Variants in ADGRL2 observed in about 807,000 individuals in gnomAD.
ADGRL2 encodes calcium-independent alpha-latrotoxin receptor 2.
In ADGRL2, 44 loss-of-function variants were observed where a neutral mutation model predicts 157.4. The ratio of observed to expected loss-of-function variants is 0.28; its 90% confidence interval spans 0.22 to 0.36. The LOEUF (loss-of-function observed/expected upper bound fraction) is 0.36. Ranked by LOEUF, ADGRL2 falls within the 10% of genes least tolerant of loss-of-function variation. The pLI is 1.00. For synonymous variants in ADGRL2, 585 were observed against 624.7 expected (o/e 0.94, Z 0.95); for missense variants, 1,510 against 1,768.9 (o/e 0.85, Z 2.63).
intron 2 of ADGRL2, among the ~76,000 whole-genome samples, chr1:81,779,835 A>G (rs1293553448): frequency 6.6e-6 from 1 of 152,228 alleles, no homozygotes; most frequent in Non-Finnish European, 1.5e-5. Context: ...GGTCCTGAGC[A>G]GGAGTTCCCC....
intron 2 of ADGRL2, among the ~76,000 whole-genome samples, chr1:81,548,692 G>A (rs951214307): frequency 4.6e-5 from 7 of 151,908 alleles, no homozygotes; most frequent in African/African-American, 1.7e-4. Flanking sequence ...TTTTCCCCAA[G>A]GATTCAGGTT....
At chr1:81,565,701 T>C (rs1233909563) in intron 2 of ADGRL2, among the ~76,000 whole-genome samples, 1 of 152,186 alleles carries the variant, frequency 6.6e-6, no homozygotes, top group Non-Finnish European at 1.5e-5. Flanking sequence ...TCTCATATCA[T>C]GTAAGAACTA....
intron 2 of ADGRL2, among the ~76,000 whole-genome samples, chr1:81,524,716 C>T (rs2079411240): frequency 2.0e-5 from 3 of 152,116 alleles, no homozygotes; most frequent in Admixed American, 6.5e-5. Context: ...GTATGTATAG[C>T]ATGCTACATT....
chr1:81,356,738 G>A (rs1000636203), intron 1 of ADGRL2, among the ~76,000 whole-genome samples: 1 of 151,534 alleles, frequency 6.6e-6, no homozygotes, highest in Non-Finnish European at 1.5e-5. Flanking sequence ...TGGATCCCGA[G>A]GTCAGGAGAT....
chr1:81,655,176 A>G (rs2082504469), intron 3 of ADGRL2, among the ~76,000 whole-genome samples: 1 of 152,060 alleles, frequency 6.6e-6, no homozygotes. Flanking sequence ...TTGTTTTTCT[A>G]TTTTTAGTAG....
At chr1:81,326,303 T>A (rs1290333203) in intron 1 of ADGRL2, among the ~76,000 whole-genome samples, 1 of 152,240 alleles carries the variant, frequency 6.6e-6, no homozygotes, top group Non-Finnish European at 1.5e-5. Context: ...GAATAGTACC[T>A]ATCACATTAG....
chr1:81,581,184 T>G (rs2080899194), intron 3 of ADGRL2, among the ~76,000 whole-genome samples: 1 of 152,192 alleles, frequency 6.6e-6, no homozygotes, highest in South Asian at 2.1e-4. Context: ...TAAAACAGTA[T>G]TTTACAAATA....
chr1:81,358,800 G>A (rs901248758), intron 1 of ADGRL2, among the ~76,000 whole-genome samples: 1 of 152,136 alleles, frequency 6.6e-6, no homozygotes, highest in Non-Finnish European at 1.5e-5. Context: ...AAGCAAGATA[G>A]TAATTAATCA....
intron 1 of ADGRL2, among the ~76,000 whole-genome samples, chr1:81,411,507 C>G (rs2076944273): frequency 6.6e-6 from 1 of 152,060 alleles, no homozygotes; most frequent in African/African-American, 2.4e-5. Flanking sequence ...TGCTAATGAC[C>G]TCAAAGTTAG....
chr1:81,324,442 G>A (rs992213254), intron 1 of ADGRL2, among the ~76,000 whole-genome samples: 4 of 151,194 alleles, frequency 2.6e-5, no homozygotes, highest in African/African-American at 4.8e-5. Flanking sequence ...CCGAGAAGTC[G>A]AGGCTGAAGT....
chr1:81,721,010 A>G (rs2084293900), intron 1 of ADGRL2, among the ~76,000 whole-genome samples: 1 of 150,980 alleles, frequency 6.6e-6, no homozygotes. Context: ...CAGAAAATAA[A>G]CTATATAAAA....
At chr1:81,951,149 A>G in intron 8 of ADGRL2, 28 bp downstream of exon 8, 1 of 1,444,366 alleles carries the variant, frequency 6.9e-7, no homozygotes, top group Non-Finnish European at 9.7e-7. Flanking sequence ...AATATGACAC[A>G]TTGGTGATTT....
chr1:81,871,576 C>G (rs2093695453), intron 2 of ADGRL2, among the ~76,000 whole-genome samples: 1 of 152,150 alleles, frequency 6.6e-6, no homozygotes, highest in South Asian at 2.1e-4. Flanking sequence ...TCCTATTTCT[C>G]CACATCCTCT....
At chr1:81,903,518 T>G (rs964211229) in intron 2 of ADGRL2, among the ~76,000 whole-genome samples, 8 of 151,868 alleles carry the variant, frequency 5.3e-5, no homozygotes, top group African/African-American at 1.9e-4. Flanking sequence ...TACTACTATT[T>G]GATGCCTTAG....
At chr1:81,469,977 G>A (rs923968538) in intron 2 of ADGRL2, among the ~76,000 whole-genome samples, 2 of 152,176 alleles carry the variant, frequency 1.3e-5, no homozygotes, top group Non-Finnish European at 2.9e-5. Flanking sequence ...CTTAATAAAT[G>A]TTTCTGCACC....
At chr1:81,711,479 T>C (rs1425874564) in intron 1 of ADGRL2, among the ~76,000 whole-genome samples, 1 of 152,228 alleles carries the variant, frequency 6.6e-6, no homozygotes. Flanking sequence ...TTTTGTCATA[T>C]AGAATATTAA....
chr1:81,412,847 TAGAC>T (rs1272017926), intron 1 of ADGRL2, among the ~76,000 whole-genome samples: 1 of 152,118 alleles, frequency 6.6e-6, no homozygotes, highest in African/African-American at 2.4e-5. Flanking sequence ...CAGTTTTAAA[TAGAC>T]AGAGCTTCCT....
chr1:81,764,918 G>A (rs1450968195), intron 2 of ADGRL2, among the ~76,000 whole-genome samples: 2 of 151,980 alleles, frequency 1.3e-5, no homozygotes, highest in Non-Finnish European at 2.9e-5. Flanking sequence ...GATTAAAGGG[G>A]TAAATTTCAT....
At position 81,432,334 on chromosome 1, in the gene ADGRL2, TC is replaced by T. The variant is rs371531220; in HGVS notation, c.-301-12700del. Among the ~76,000 whole-genome samples the T allele has an allele frequency of 4.7e-3, 709 of 152,310 alleles. 5 individuals carry two copies. The highest frequency in any genetic ancestry group is 0.016 in the African/African-American group (665 of 41,580). On this transcript the variant is annotated intron_variant, in intron 1 of 24. Transcript: ENST00000370721. The stretch of plus-strand genomic sequence containing the variant: ...TACTGCTGAAGAGTTGGATGTAAAA[TC>T]CTTGATCAGCAAGCTGTCTTGATGT...
Sources: gnomAD v4.1 joint callset for allele counts (sites outside exome capture counted in the v4.1 genomes callset) on GRCh38, gnomAD v4.1.1 for gene constraint, MANE v1.5 for transcripts, NCBI Gene and HGNC (gene_info 2026-07-23, HGNC 2026-07-21) for gene names.